Variants in ST8SIA3 observed in about 807,000 individuals in gnomAD.
The protein encoded by ST8SIA3 is alpha-N-acetylneuraminate alpha-2,8-sialyltransferase ST8SIA3.
A neutral mutation model predicts 34.5 loss-of-function variants in ST8SIA3; 17 were observed. The observed-to-expected ratio is 0.49, with a 90% confidence interval of 0.34 to 0.74. The LOEUF (loss-of-function observed/expected upper bound fraction) is 0.74. Among genes scored for constraint, ST8SIA3 ranks in the 30% least tolerant of loss-of-function variants. ST8SIA3 has a pLI of 0.01. For missense variants in ST8SIA3, 354 were observed against 467.8 expected (o/e 0.76, Z 2.24); for synonymous variants, 172 against 176.1 (o/e 0.98, Z 0.19).
rs934404949 is a variant in ST8SIA3, at chr18:57,365,694, C to G, written c.*5417C>G. ...CAAAGGTATTCAGGCTAAAATAAAA[C>G]CAATCAAAAAAGGAAATTCAGGAGG... On this transcript the variant is annotated 3_prime_UTR_variant, in exon 4 of 4. Coordinates refer to ENST00000324000, the MANE Select transcript of ST8SIA3 (RefSeq NM_015879.3). The G allele has an allele frequency of 1.3e-5, 2 of 152,144 alleles. No individual in the cohort carries two copies. The highest frequency in any genetic ancestry group is 1.5e-5 in the Non-Finnish European group (1 of 68,034). The allele number at this position is 152,144 out of a possible 1,614,324, so 9.4% of individuals were successfully genotyped here.
chr18:57,361,606 G>A lies in ST8SIA3; in HGVS notation c.*1329G>A, dbSNP rs957726503. On this transcript the variant is annotated 3_prime_UTR_variant, in exon 4 of 4. Coordinates refer to ENST00000324000, the MANE Select transcript of ST8SIA3 (RefSeq NM_015879.3). ...ATTATGTAGACCTGCGATGAAGGAA[G>A]TAGCTGGCCATTCTCATTTTCTTTA... 1 of 152,664 alleles carries A rather than the reference G, an allele frequency of 6.6e-6. No individual in the cohort carries two copies. The highest frequency in any genetic ancestry group is 2.4e-5 in the African/African-American group (1 of 41,454). 9.5% of individuals were successfully genotyped at this position (152,664 alleles called of 1,614,324 possible).
chr18:57,354,294 C>T, intron 1 of ST8SIA3, 108 bp from the exon 2 acceptor site: 1 of 1,423,546 alleles, frequency 7.0e-7, no homozygotes, highest in Non-Finnish European at 9.7e-7. Context: ...CGGAACGGAG[C>T]CCGCACGCGT....
In ST8SIA3 at chr18:57,365,460, A is replaced by G. The variant is rs558885325; in HGVS notation, c.*5183A>G. The G allele has an allele frequency of 6.6e-6, 1 of 152,310 alleles. No individual in the cohort carries two copies. The highest frequency in any genetic ancestry group is 1.9e-4 in the East Asian group (1 of 5,178). 9.4% of individuals were successfully genotyped at this position (152,310 alleles called of 1,614,324 possible). ...CAAGGTGGAGAGCAAGCTTTAATAT[A>G]CACTTTGTCTCAAGGCCAGCTCTTC... is the stretch of plus-strand genomic sequence containing the variant. On this transcript the variant is annotated 3_prime_UTR_variant, in exon 4 of 4. Coordinates refer to ENST00000324000, the MANE Select transcript of ST8SIA3 (RefSeq NM_015879.3).
In ST8SIA3 at chr18:57,354,135, C is replaced by T. The variant is rs374651731; in HGVS notation, c.180-267C>T. Among the ~76,000 whole-genome samples, 47 of 152,346 alleles carry T rather than the reference C, an allele frequency of 3.1e-4. 1 individual carries two copies. The highest frequency in any genetic ancestry group is 1.1e-3 in the African/African-American group (44 of 41,584). ...CCGCGGGCTCCAGCCCTGCGCCCGG[C>T]GTGCGCCCTGCTCTCCGCATGACGG... is the stretch of plus-strand genomic sequence containing the variant. On this transcript the variant is annotated intron_variant, in intron 1 of 3. Coordinates refer to ENST00000324000, the MANE Select transcript of ST8SIA3 (RefSeq NM_015879.3).
rs1299683320 is a variant in ST8SIA3, at chr18:57,365,019, G to A, written c.*4742G>A. The stretch of plus-strand genomic sequence containing the variant: ...ACTGACTTCAGTTTAAGGTTACCCT[G>A]GGGTTCTGGGGTTAGGACCCGGATT... On this transcript the variant is annotated 3_prime_UTR_variant, in exon 4 of 4. Transcript: ENST00000324000. 1.3e-5 allele frequency: 2 copies of A among 152,146 alleles called. No homozygotes were observed. Among genetic ancestry groups the A allele is most frequent in the Non-Finnish European group, 2.9e-5 (2 of 68,028 alleles). The allele number at this position is 152,146 out of a possible 1,614,324, so 9.4% of individuals were successfully genotyped here.
chr18:57,368,278 ATTTCAGCATTTTAAAGAATAGTG>A lies in ST8SIA3; in HGVS notation c.*8003_*8025del, dbSNP rs1348878410. On this transcript the variant is annotated 3_prime_UTR_variant, in exon 4 of 4. Transcript: ENST00000324000. ...TAACATACTTTGATTTCACCATTGC[ATTTCAGCATTTTAAAGAATAGTG>A]TATCAGTATAGAAGGAGGAGCAAAG... The A allele has an allele frequency of 1.4e-4, 21 of 152,360 alleles. No individual in the cohort carries two copies. The East Asian group carries it at 1.5e-3, about 11-fold the overall frequency. 9.4% of individuals were successfully genotyped at this position (152,360 alleles called of 1,614,324 possible). A position where few individuals can be genotyped will look rare whatever the true frequency, so the allele number is the denominator to read the frequency against.
In ST8SIA3 at chr18:57,361,469, A is replaced by G. The variant is rs2049830309; in HGVS notation, c.*1192A>G. ...CCAGAACCATTTGCTCTCTTTGAGA[A>G]CATTGTAGCACTGGATATTCCCTCT... On this transcript the variant is annotated 3_prime_UTR_variant, in exon 4 of 4. Coordinates refer to ENST00000324000, the MANE Select transcript of ST8SIA3 (RefSeq NM_015879.3). The G allele has an allele frequency of 1.3e-5, 2 of 152,662 alleles. No homozygotes were observed. The highest frequency in any genetic ancestry group is 2.4e-5 in the African/African-American group (1 of 41,450). 9.5% of individuals were successfully genotyped at this position (152,662 alleles called of 1,614,324 possible). A position where few individuals can be genotyped will look rare whatever the true frequency, so the allele number is the denominator to read the frequency against.
chr18:57,360,775 T>C lies in ST8SIA3; in HGVS notation c.*498T>C, dbSNP rs542425. ...TCCATCTCTATCACCATCTCACTCC[T>C]TCCCTCTGCAACTACTCCCTGCCCT... On this transcript the variant is annotated 3_prime_UTR_variant, in exon 4 of 4. Coordinates refer to ENST00000324000, the MANE Select transcript of ST8SIA3 (RefSeq NM_015879.3). 150,652 of 154,630 alleles carry C rather than the reference T, an allele frequency of 0.97. 73,417 individuals are homozygous for C. The highest frequency in any genetic ancestry group is 1 in the East Asian group (5,218 of 5,220). 9.6% of individuals were successfully genotyped at this position (154,630 alleles called of 1,614,324 possible).
At chr18:57,354,642 C>A (rs1036416933) in intron 2 of ST8SIA3, 118 bp downstream of exon 2, 1 of 1,206,230 alleles carries the variant, frequency 8.3e-7, no homozygotes, top group Admixed American at 2.2e-5. Flanking sequence ...TACGCCCCAC[C>A]CTCACCATCA....
chr18:57,353,028 G>A lies in ST8SIA3; in HGVS notation c.179+3G>A, dbSNP rs2049774086. On this transcript the variant is annotated splice_donor_region_variant and intron_variant, in intron 1 of 3. Transcript: ENST00000324000. Reference sequence around the variant, plus strand: ...TACATGTTCCACGCGGGATTCCGGTGAGTGCGGGCCTCTGTGTTAGTGCCC... The same window carrying A: ...TACATGTTCCACGCGGGATTCCGGTAAGTGCGGGCCTCTGTGTTAGTGCCC... The A allele has an allele frequency of 2.5e-6, 4 of 1,605,622 alleles. No homozygotes were observed. Among genetic ancestry groups the A allele is most frequent in the East Asian group, 2.2e-5 (1 of 44,834 alleles).
In ST8SIA3 at chr18:57,360,394, G is replaced by A; in HGVS notation, c.*117G>A. ...ATAAGGATTGTCTGCCATTTAAAAG[G>A]AAAGATGTCTTTTCTCTTTTGCACT... On this transcript the variant is annotated 3_prime_UTR_variant, in exon 4 of 4. Transcript: ENST00000324000. The A allele has an allele frequency of 5.6e-6, 6 of 1,063,726 alleles. No individual in the cohort carries two copies. Among genetic ancestry groups the A allele is most frequent in the Non-Finnish European group, 7.9e-6 (6 of 756,450 alleles). 65.9% of individuals were successfully genotyped at this position (1,063,726 alleles called of 1,614,324 possible).
Position 57,352,823 on chromosome 18 carries a change from T to C in ST8SIA3, c.-24T>C. The C allele has an allele frequency of 6.2e-7, 1 of 1,610,678 alleles. No individual in the cohort carries two copies. Among genetic ancestry groups the C allele is most frequent in the Non-Finnish European group, 8.5e-7 (1 of 1,178,892 alleles). On this transcript the variant is annotated 5_prime_UTR_variant, in exon 1 of 4. Transcript: ENST00000324000. ...GCTCAATGGACCGATTTCCCCGGTT[T>C]CCCTGAACCCAGCCCAGCCCGGGAT...
intron 2 of ST8SIA3, among the ~76,000 whole-genome samples, chr18:57,356,451 G>A (rs1220870650): frequency 6.6e-6 from 1 of 152,012 alleles, no homozygotes; most frequent in Admixed American, 6.6e-5. Flanking sequence ...CTCTTATTTG[G>A]ACACCACTGA....
In ST8SIA3 at chr18:57,367,005, T is replaced by TTTGCAAA. The variant is rs1247948644; in HGVS notation, c.*6738_*6744dup. The TTTGCAAA allele has an allele frequency of 6.6e-6, 1 of 152,246 alleles. No individual in the cohort carries two copies. Among genetic ancestry groups the TTTGCAAA allele is most frequent in the African/African-American group, 2.4e-5 (1 of 41,464 alleles). 9.4% of individuals were successfully genotyped at this position (152,246 alleles called of 1,614,324 possible). A position where few individuals can be genotyped will look rare whatever the true frequency, so the allele number is the denominator to read the frequency against. ...CTGGTAATCCACAGAACAAGCTTTG[T>TTTGCAAA]TTGCAAATTGCAAATTTTTCTGGTA... On this transcript the variant is annotated 3_prime_UTR_variant, in exon 4 of 4. Coordinates refer to ENST00000324000, the MANE Select transcript of ST8SIA3 (RefSeq NM_015879.3).
rs763039743 is a variant in ST8SIA3, at chr18:57,352,837, C to A, written c.-10C>A. On this transcript the variant is annotated 5_prime_UTR_variant, in exon 1 of 4. Coordinates refer to ENST00000324000, the MANE Select transcript of ST8SIA3 (RefSeq NM_015879.3). Reference sequence around the variant, plus strand: ...TTTCCCCGGTTTCCCTGAACCCAGCCCAGCCCGGGATGAGAAACTGCAAAA... The same window carrying A: ...TTTCCCCGGTTTCCCTGAACCCAGCACAGCCCGGGATGAGAAACTGCAAAA... 3 of 1,613,036 alleles carry A rather than the reference C, an allele frequency of 1.9e-6. No homozygotes were observed. In the Admixed American group the frequency reaches 5.0e-5, roughly 27 times the overall value.
rs893019151 is a variant in ST8SIA3 at position 57,362,158 on chromosome 18, G to A, written c.*1881G>A. On this transcript the variant is annotated 3_prime_UTR_variant, in exon 4 of 4. Coordinates refer to ENST00000324000, the MANE Select transcript of ST8SIA3 (RefSeq NM_015879.3). ...CATTAAAAACATTTTGTAATTCAGT[G>A]GTATAATTTGATGGGTATCACAACC... The A allele has an allele frequency of 6.6e-6, 1 of 152,138 alleles. No individual in the cohort carries two copies. The highest frequency in any genetic ancestry group is 6.5e-5 in the Admixed American group (1 of 15,268). The allele number at this position is 152,138 out of a possible 1,614,324, so 9.4% of individuals were successfully genotyped here.
chr18:57,356,837 A>G, intron 2 of ST8SIA3, 76 bp from the exon 3 acceptor site: 2 of 939,330 alleles, frequency 2.1e-6, no homozygotes, highest in Non-Finnish European at 3.2e-6. Flanking sequence ...TCTGAATGAA[A>G]TGTCAGCATA....
In ST8SIA3 at chr18:57,363,232, C is replaced by T. The variant is rs539269374; in HGVS notation, c.*2955C>T. On this transcript the variant is annotated 3_prime_UTR_variant, in exon 4 of 4. Coordinates refer to ENST00000324000, the MANE Select transcript of ST8SIA3 (RefSeq NM_015879.3). Reference sequence around the variant, plus strand: ...GGAAATAATCACAAACTTTTGGCAACCTGCTTAATGCTAGACGCTCTGTTT... The same window carrying T: ...GGAAATAATCACAAACTTTTGGCAATCTGCTTAATGCTAGACGCTCTGTTT... 6.6e-6 allele frequency: 1 copy of T among 152,272 alleles called. No individual in the cohort carries two copies. Among genetic ancestry groups the T allele is most frequent in the African/African-American group, 2.4e-5 (1 of 41,536 alleles). 9.4% of individuals were successfully genotyped at this position (152,272 alleles called of 1,614,324 possible).
chr18:57,365,972 C>G lies in ST8SIA3; in HGVS notation c.*5695C>G, dbSNP rs1161978845. 1.4e-4 allele frequency: 21 copies of G among 152,196 alleles called. No homozygotes were observed. Among genetic ancestry groups the G allele is most frequent in the Admixed American group, 1.4e-3 (21 of 15,282 alleles). 9.4% of individuals were successfully genotyped at this position (152,196 alleles called of 1,614,324 possible). On this transcript the variant is annotated 3_prime_UTR_variant, in exon 4 of 4. Transcript: ENST00000324000. ...ATGTTTAACAACTGGCTCTGGAAAA[C>G]AGTGGAACCCAGATTTTTAGCACCT...
Sources: allele counts gnomAD v4.1 joint callset (sites outside exome capture counted in the v4.1 genomes callset), GRCh38; gene constraint gnomAD v4.1.1; transcripts MANE v1.5; gene names NCBI Gene and HGNC (gene_info 2026-07-23, HGNC 2026-07-21).